ZNF423: variants seen among roughly 807,000 people sequenced by gnomAD.
ZNF423 encodes zinc finger protein 423.
Under a neutral mutation model 95.8 loss-of-function variants are expected in ZNF423, and 12 were observed. The observed-to-expected ratio is 0.13, with a 90% confidence interval of 0.08 to 0.20. The LOEUF (loss-of-function observed/expected upper bound fraction) is 0.20. ZNF423 is among the 10% of genes least tolerant of loss of function. The probability of loss-of-function intolerance (pLI) is 1.00; values close to 1 mark genes in which losing one functional copy is unlikely to be tolerated. For missense variants in ZNF423, 1,316 were observed against 1,737.1 expected, an observed-to-expected ratio of 0.76 and a Z score of 4.31; for synonymous variants, 749 against 711.9, an observed-to-expected ratio of 1.05 and a Z score of -0.83.
chr16:49,629,041 G>A (rs1191257002), intron 4 of ZNF423, among the ~76,000 whole-genome samples: 3 of 152,112 alleles, frequency 2.0e-5, no homozygotes, highest in Non-Finnish European at 4.4e-5. Flanking sequence ...AAGGGAGCAG[G>A]ACTTCACACT....
chr16:49,642,021 T>G, intron 3 of ZNF423, among the ~76,000 whole-genome samples: 1 of 152,346 alleles, frequency 6.6e-6, no homozygotes, highest in East Asian at 1.9e-4. Flanking sequence ...TTCAATAAAG[T>G]TGTTAAACAA....
intron 5 of ZNF423, among the ~76,000 whole-genome samples, chr16:49,610,132 A>G (rs1971674859): frequency 6.6e-6 from 1 of 152,214 alleles, no homozygotes; most frequent in Admixed American, 6.5e-5. Context: ...AGATACTCTC[A>G]GATAAAAGAA....
chr16:49,858,019 G>C (rs1054463973), upstream of ZNF423: 11 of 151,914 alleles, frequency 7.2e-5, no homozygotes, highest in African/African-American at 2.4e-4. The surrounding 1 kb of genome is among the most constrained non-coding windows in gnomAD (Gnocchi z 4.3). Flanking sequence ...CCCCGACCTC[G>C]CCCCCCTCCC....
chr16:49,850,765 CACTT>C (rs1248785200), intron 1 of ZNF423, among the ~76,000 whole-genome samples: 4 of 152,240 alleles, frequency 2.6e-5, no homozygotes, highest in African/African-American at 9.6e-5. Context: ...AAGTTGTTGA[CACTT>C]ACAGAAAACT....
At chr16:49,584,522 G>A (rs1191547430) in intron 5 of ZNF423, among the ~76,000 whole-genome samples, 2 of 152,170 alleles carry the variant, frequency 1.3e-5, no homozygotes, top group Admixed American at 1.3e-4. Flanking sequence ...CCATAATGAA[G>A]AACCACATGA....
chr16:49,700,195 CAAAAAA>C (rs3084468), intron 3 of ZNF423, among the ~76,000 whole-genome samples: 33 of 96,540 alleles, frequency 3.4e-4, no homozygotes, highest in African/African-American at 1.2e-3. Context: ...CCCAGGATTT[CAAAAAA>C]AAAAAAAAAA....
Position 49,638,885 on chromosome 16 carries a change from A to G in ZNF423, c.302-11T>C. The G allele has an allele frequency of 6.3e-7, 1 of 1,592,504 alleles. No homozygotes were observed. Among genetic ancestry groups the G allele is most frequent in the South Asian group, 1.2e-5 (1 of 86,778 alleles). ...GGTCGTCATCACCATCTGCAAGAGAAGGCAGAGAGGATATTAGAGGCAATT... is the reference window on the plus strand; with the variant it reads ...GGTCGTCATCACCATCTGCAAGAGAGGGCAGAGAGGATATTAGAGGCAATT... On this transcript the variant is annotated splice_polypyrimidine_tract_variant and intron_variant, in intron 3 of 7. Transcript: ENST00000563137. This position sits in a 1 kb window ranked among gnomAD's most constrained non-coding sequence, Gnocchi z 5.6.
At chr16:49,854,292 CCTT>C (rs1029325134) in intron 1 of ZNF423, 1 of 985,406 alleles carries the variant, frequency 1.0e-6, no homozygotes, top group Non-Finnish European at 1.2e-6. Flanking sequence ...CAGTTGGTCT[CCTT>C]CTAATATGAC....
At chr16:49,519,292 G>C (rs1284041072) in intron 7 of ZNF423, among the ~76,000 whole-genome samples, 2 of 152,104 alleles carry the variant, frequency 1.3e-5, no homozygotes, top group African/African-American at 4.8e-5. Context: ...TTTTTCTTGG[G>C]TAAACACTAA....
chr16:49,512,413 AG>A (rs1279523334), intron 7 of ZNF423, among the ~76,000 whole-genome samples: 1 of 152,234 alleles, frequency 6.6e-6, no homozygotes, highest in Non-Finnish European at 1.5e-5. Context: ...CAAACAAAGA[AG>A]GGCTCTTCAA....
rs564774865 is a variant in ZNF423 at position 49,506,399 on chromosome 16, G to T, written c.3850-15095C>A. ...AGATGGATAGTGGATGAATTGGTGA[G>T]TGGGTGGATGGGTGGATAGATAGGT... On this transcript the variant is annotated intron_variant, in intron 7 of 7. Coordinates refer to ENST00000563137, the MANE Select transcript of ZNF423 (RefSeq NM_001379286.1). 2.6e-5 allele frequency among the ~76,000 whole-genome samples: 4 copies of T among 152,310 alleles called. No homozygotes were observed. The East Asian group carries it at 7.7e-4, about 29-fold the overall frequency.
intron 5 of ZNF423, among the ~76,000 whole-genome samples, chr16:49,621,040 G>A (rs970778756): frequency 1.2e-4 from 18 of 152,170 alleles, no homozygotes; most frequent in African/African-American, 3.1e-4. Flanking sequence ...CAGCCCCCCC[G>A]GGGAGCCCAA....
At chr16:49,854,041 T>C (rs1274808108) in intron 1 of ZNF423, 1 of 985,282 alleles carries the variant, frequency 1.0e-6, no homozygotes. Flanking sequence ...TCCAGTATTA[T>C]TTCAAGCCGT....
chr16:49,791,215 G>C (rs1409936347), intron 1 of ZNF423, among the ~76,000 whole-genome samples: 1 of 152,208 alleles, frequency 6.6e-6, no homozygotes, highest in Non-Finnish European at 1.5e-5. Flanking sequence ...CAGATAATTT[G>C]AGCTGGGACC....
At chr16:49,653,016 G>A (rs991345745) in intron 3 of ZNF423, among the ~76,000 whole-genome samples, 3 of 152,182 alleles carry the variant, frequency 2.0e-5, no homozygotes, top group African/African-American at 7.2e-5. Context: ...AATTCATGCA[G>A]TGATGTTTTG....
At chr16:49,712,896 A>G (rs529414483) in intron 3 of ZNF423, among the ~76,000 whole-genome samples, 2 of 152,330 alleles carry the variant, frequency 1.3e-5, no homozygotes, top group Admixed American at 1.3e-4. Flanking sequence ...ACAGAATGAC[A>G]CCGTCGTGCA....
At chr16:49,728,162 A>G (rs893474126) in intron 3 of ZNF423, among the ~76,000 whole-genome samples, 69 of 152,228 alleles carry the variant, frequency 4.5e-4, no homozygotes, top group African/African-American at 1.6e-3. Context: ...CCACTGCACA[A>G]TGGAAGGGTG....
chr16:49,644,348 T>C (rs1243722952), intron 3 of ZNF423, among the ~76,000 whole-genome samples: 2 of 151,908 alleles, frequency 1.3e-5, no homozygotes, highest in Non-Finnish European at 2.9e-5. Context: ...GGCAGTTCCA[T>C]CTGTGTGAAT....
At chr16:49,792,505 G>C (rs551299692) in intron 1 of ZNF423, among the ~76,000 whole-genome samples, 51 of 152,312 alleles carry the variant, frequency 3.3e-4, no homozygotes, top group African/African-American at 1.2e-3. Context: ...CTCACTACAG[G>C]CTTCCTGGTC....
Sources: gnomAD v4.1 joint callset for allele counts (sites outside exome capture counted in the v4.1 genomes callset) on GRCh38, gnomAD v4.1.1 for gene constraint, Gnocchi (gnomAD v3.1) non-coding constraint, MANE v1.5 for transcripts, NCBI Gene and HGNC (gene_info 2026-07-23, HGNC 2026-07-21) for gene names.